Variants in ZRANB3 observed in about 807,000 individuals in gnomAD.
The protein encoded by ZRANB3 is DNA annealing helicase and endonuclease ZRANB3.
ZRANB3 carries 125 observed loss-of-function variants against 133.8 expected under a neutral mutation model. The ratio of observed to expected loss-of-function variants is 0.93; its 90% confidence interval spans 0.81 to 1.08. The LOEUF (loss-of-function observed/expected upper bound fraction) is 1.08, where lower values mean the gene tolerates loss of function less well. Ranked by LOEUF, ZRANB3 falls within the 50% of genes least tolerant of loss-of-function variation. The pLI, the probability that ZRANB3 is intolerant of heterozygous loss-of-function variation, is 0.00. For missense variants in ZRANB3, 1,229 were observed against 1,275.5 expected (o/e 0.96, Z 0.56); for synonymous variants, 387 against 432.7 (o/e 0.89, Z 1.31).
chr2:135,321,731 TG>T (rs1309282243), intron 6 of ZRANB3, among the ~76,000 whole-genome samples: 1 of 152,064 alleles, frequency 6.6e-6, no homozygotes. Flanking sequence ...CTGCCCACCT[TG>T]CCTCCCAAAG....
At chr2:135,240,097 A>G (rs1695486221) in intron 12 of ZRANB3, among the ~76,000 whole-genome samples, 1 of 152,154 alleles carries the variant, frequency 6.6e-6, no homozygotes, top group Non-Finnish European at 1.5e-5. Context: ...AGTCCAGTAC[A>G]TTGGGAAGCC....
At chr2:135,499,116 C>T (rs934727725) in intron 2 of ZRANB3, among the ~76,000 whole-genome samples, 31 of 152,104 alleles carry the variant, frequency 2.0e-4, no homozygotes, top group African/African-American at 7.5e-4. Context: ...TGGGGGGCAT[C>T]ACAGAACCTG....
At chr2:135,427,720 C>T (rs533809444) in intron 2 of ZRANB3, among the ~76,000 whole-genome samples, 2 of 151,488 alleles carry the variant, frequency 1.3e-5, no homozygotes, top group Non-Finnish European at 1.5e-5. Context: ...CATATGGAAC[C>T]AAAAAAAAGC....
chr2:135,230,819 T>A lies in ZRANB3; in HGVS notation c.1648A>T (p.Thr550Ser). Residue 550 changes from threonine to serine, a missense_variant, in exon 13 of 21, where the codon ACT (threonine) becomes TCT (serine). By Grantham distance (58) the Thr-to-Ser change is moderately conservative. Transcript: ENST00000264159. ...TTTGTAGGGTCTGATGACACTACAG[T>A]ATTTTCCTCCCGGAATCTCTTTGAT... ...DESKRFREEN[T>S]VVSSDPTKTA... The A allele has an allele frequency of 6.2e-7, 1 of 1,613,586 alleles. No homozygotes were observed. The highest frequency in any genetic ancestry group is 8.5e-7 in the Non-Finnish European group (1 of 1,179,798).
chr2:135,379,941 G>A (rs1293767749), intron 3 of ZRANB3, among the ~76,000 whole-genome samples: 1 of 151,992 alleles, frequency 6.6e-6, no homozygotes, highest in Non-Finnish European at 1.5e-5. Context: ...ACACACATAA[G>A]CTCCAAATAA....
At chr2:135,277,532 G>C (rs1252574874) in intron 8 of ZRANB3, among the ~76,000 whole-genome samples, 2 of 152,060 alleles carry the variant, frequency 1.3e-5, no homozygotes, top group Non-Finnish European at 2.9e-5. Context: ...CAGATATAAA[G>C]AAGAAAAACA....
At chr2:135,352,455 T>C (rs1024901872) in intron 4 of ZRANB3, among the ~76,000 whole-genome samples, 5 of 152,110 alleles carry the variant, frequency 3.3e-5, no homozygotes, top group Admixed American at 2.0e-4. Flanking sequence ...TTTCATTCAG[T>C]TTTATTGGAG....
rs762663357 is a variant in ZRANB3, at chr2:135,200,353, C to T, written c.3229G>A (p.Val1077Ile). ...KHGSDITRFL[V>I]KK ...TATATTTTTCTACTTTACTTCTTTACCAAAAATCGTGTGATGTCTGATCCA... is the reference window on the plus strand; with the variant it reads ...TATATTTTTCTACTTTACTTCTTTATCAAAAATCGTGTGATGTCTGATCCA... The change falls in exon 21 of 21, where the codon GTA (valine) becomes ATA (isoleucine). Residue 1077 changes from valine to isoleucine, a missense_variant. Coordinates refer to ENST00000264159, the MANE Select transcript of ZRANB3 (RefSeq NM_032143.4). 1.3e-6 allele frequency: 2 copies of T among 1,596,810 alleles called. No homozygotes were observed. The highest frequency in any genetic ancestry group is 2.7e-5 in the African/African-American group (2 of 74,926).
At chr2:135,323,114 T>C (rs934453564) in intron 6 of ZRANB3, among the ~76,000 whole-genome samples, 3 of 152,192 alleles carry the variant, frequency 2.0e-5, no homozygotes, top group Non-Finnish European at 4.4e-5. Flanking sequence ...TTTGCAGGTC[T>C]TGTAAGTTTA....
intron 2 of ZRANB3, among the ~76,000 whole-genome samples, chr2:135,481,384 C>T (rs1691797773): frequency 6.6e-6 from 1 of 152,056 alleles, no homozygotes; most frequent in South Asian, 2.1e-4. Context: ...AGCATTTTTT[C>T]ATGTGTTTTT....
At chr2:135,420,551 A>AT (rs962028197) in intron 2 of ZRANB3, among the ~76,000 whole-genome samples, 2 of 152,262 alleles carry the variant, frequency 1.3e-5, no homozygotes, top group African/African-American at 4.8e-5. Flanking sequence ...GACAGACTAC[A>AT]TATGAATGTC....
intron 3 of ZRANB3, among the ~76,000 whole-genome samples, chr2:135,365,980 T>A (rs557956391): frequency 6.6e-6 from 1 of 152,322 alleles, no homozygotes; most frequent in Non-Finnish European, 1.5e-5. Context: ...CACCACTTAT[T>A]TGTAACAAAG....
At chr2:135,212,585 G>A (rs939898015) in intron 17 of ZRANB3, among the ~76,000 whole-genome samples, 4 of 152,172 alleles carry the variant, frequency 2.6e-5, no homozygotes, top group African/African-American at 9.7e-5. Context: ...AAACGGAGCT[G>A]ACAACTTTTC....
intron 2 of ZRANB3, among the ~76,000 whole-genome samples, chr2:135,502,315 T>G (rs1464908006): frequency 1.3e-5 from 2 of 152,194 alleles, no homozygotes; most frequent in East Asian, 3.8e-4. Context: ...GAATTTTGCT[T>G]TATGAACAGC....
intron 12 of ZRANB3, 114 bp from the exon 13 acceptor site, chr2:135,231,041 C>A (rs900107097): frequency 1.1e-6 from 1 of 927,492 alleles, no homozygotes; most frequent in Non-Finnish European, 1.5e-6. Flanking sequence ...CCTTTAAATA[C>A]CTTTTGGAAA....
At chr2:135,257,167 A>G (rs1396015346) in intron 12 of ZRANB3, among the ~76,000 whole-genome samples, 1 of 152,220 alleles carries the variant, frequency 6.6e-6, no homozygotes, top group African/African-American at 2.4e-5. Context: ...TGCTCTGCCT[A>G]TAGAGTAGCC....
At chr2:135,468,264 T>A (rs149295900) in intron 2 of ZRANB3, among the ~76,000 whole-genome samples, 2 of 152,344 alleles carry the variant, frequency 1.3e-5, no homozygotes, top group Non-Finnish European at 1.5e-5. Flanking sequence ...TTCTGTATAA[T>A]GTTTCCCTAA....
At chr2:135,253,357 A>C (rs1222562406) in intron 12 of ZRANB3, among the ~76,000 whole-genome samples, 1 of 152,166 alleles carries the variant, frequency 6.6e-6, no homozygotes, top group South Asian at 2.1e-4. Flanking sequence ...AGGCTCTAAA[A>C]ATCAGGGGGA....
At chr2:135,278,844 A>T (rs987059713) in intron 8 of ZRANB3, among the ~76,000 whole-genome samples, 1 of 152,214 alleles carries the variant, frequency 6.6e-6, no homozygotes, top group Non-Finnish European at 1.5e-5. Flanking sequence ...GTGAATACTG[A>T]TCAAGCCAAA....
Sources: allele counts gnomAD v4.1 joint callset (sites outside exome capture counted in the v4.1 genomes callset), GRCh38; gene constraint gnomAD v4.1.1; transcripts MANE v1.5; gene names NCBI Gene and HGNC (gene_info 2026-07-23, HGNC 2026-07-21).